UNC93A: variants seen among roughly 807,000 people sequenced by gnomAD.
UNC93A encodes N-acetylglucosamine transporter UNC93A.
A neutral mutation model predicts 47.5 loss-of-function variants in UNC93A; 43 were observed. The observed-to-expected ratio is 0.91, with a 90% CI of 0.71 to 1.17. The LOEUF is 1.17. UNC93A is among the 50% of genes most tolerant of loss of function. The pLI is 0.00. For synonymous variants in UNC93A, 280 were observed against 258.0 expected, an observed-to-expected ratio of 1.09 and a Z score of -0.82; for missense variants, 605 against 577.6, an observed-to-expected ratio of 1.05 and a Z score of -0.49.
upstream of UNC93A, among the ~76,000 whole-genome samples, chr6:167,286,547 A>T (rs7767893): frequency 6.6e-6 from 1 of 152,210 alleles, no homozygotes; most frequent in Non-Finnish European, 1.5e-5. Flanking sequence ...CTTGGGGACA[A>T]AGTTCAAATT....
chr6:167,296,406 C>A, intron 3 of UNC93A, 145 bp downstream of exon 3: 1 of 841,010 alleles, frequency 1.2e-6, no homozygotes, highest in Non-Finnish European at 1.9e-6. Flanking sequence ...AGATTCTCAA[C>A]CTGCCTGTGC....
chr6:167,284,503 A>T (rs1361633418), intron 1 of UNC93A, among the ~76,000 whole-genome samples: 2 of 152,298 alleles, frequency 1.3e-5, no homozygotes, highest in Non-Finnish European at 2.9e-5. Context: ...GGAGGACTAG[A>T]AAGCGAAGGC....
At chr6:167,287,204 T>C (rs1186636165), upstream of UNC93A, among the ~76,000 whole-genome samples, 1 of 152,020 alleles carries the variant, frequency 6.6e-6, no homozygotes, top group Non-Finnish European at 1.5e-5. Flanking sequence ...CTCGCTGCAC[T>C]CAGCTGGATC....
intron 4 of UNC93A, among the ~76,000 whole-genome samples, chr6:167,303,208 C>T (rs983813153): frequency 1.3e-5 from 2 of 152,224 alleles, no homozygotes; most frequent in Non-Finnish European, 1.5e-5. Flanking sequence ...AAAGTCCATG[C>T]CTGCTTTATT....
At chr6:167,302,581 A>G (rs1778273001) in intron 4 of UNC93A, among the ~76,000 whole-genome samples, 1 of 152,176 alleles carries the variant, frequency 6.6e-6, no homozygotes, top group Non-Finnish European at 1.5e-5. Flanking sequence ...AAAGTGAGAA[A>G]CGCCTAAATA....
At chr6:167,273,456 G>C (rs1233901093) in intron 1 of UNC93A, among the ~76,000 whole-genome samples, 1 of 152,196 alleles carries the variant, frequency 6.6e-6, no homozygotes, top group Non-Finnish European at 1.5e-5. Context: ...GGAATAGTCA[G>C]TGGGCAGCCA....
chr6:167,273,855 G>A (rs554995805), intron 1 of UNC93A, among the ~76,000 whole-genome samples: 13 of 151,968 alleles, frequency 8.6e-5, no homozygotes, highest in Non-Finnish European at 1.8e-4. Flanking sequence ...ATCTGGGTTA[G>A]GATAAGGGGT....
At chr6:167,290,963 A>G (rs1783829636), upstream of UNC93A, among the ~76,000 whole-genome samples, 1 of 152,202 alleles carries the variant, frequency 6.6e-6, no homozygotes, top group Non-Finnish European at 1.5e-5. Flanking sequence ...CTTTGGCCCC[A>G]GGATCTTACA....
intron 2 of UNC93A, among the ~76,000 whole-genome samples, chr6:167,295,447 C>CTCCTCGCCTCCCTCGTGA (rs1778040422): frequency 3.6e-5 from 4 of 109,602 alleles, no homozygotes; most frequent in African/African-American, 1.3e-4. Flanking sequence ...CTCCCTCGTG[C>CTCCTCGCCTCCCTCGTGA]TCCTCGCCTC....
upstream of UNC93A, among the ~76,000 whole-genome samples, chr6:167,287,214 C>A (rs1464754217): frequency 6.6e-6 from 1 of 152,116 alleles, no homozygotes; most frequent in African/African-American, 2.4e-5. Flanking sequence ...TCAGCTGGAT[C>A]TTTTCCACCC....
rs556501200 is a variant in UNC93A at position 167,292,097 on chromosome 6, C to T, written c.87+521C>T. On this transcript the variant is annotated intron_variant, in intron 1 of 7. Transcript: ENST00000230256. ...TCCGTGAGCCCATGAAAAAGCCAAA[C>T]GGCATTCTCCGAAAGGCTGCAGCAT... 2.6e-4 allele frequency among the ~76,000 whole-genome samples: 40 copies of T among 152,332 alleles called. No individual in the cohort carries two copies. The South Asian group carries it at 6.6e-3, about 25-fold the overall frequency.
At chr6:167,308,054 G>T in intron 7 of UNC93A, 144 bp downstream of exon 7, 2 of 1,186,960 alleles carry the variant, frequency 1.7e-6, no homozygotes, top group South Asian at 1.6e-5. Flanking sequence ...GGGCTTTGAT[G>T]TCGCCTCTGA....
chr6:167,274,725 A>T lies in UNC93A; in HGVS notation c.-52+3267A>T, dbSNP rs375303224. 3.3e-5 allele frequency among the ~76,000 whole-genome samples: 5 copies of T among 152,248 alleles called. No individual in the cohort carries two copies. In the East Asian group the frequency reaches 9.6e-4, roughly 29 times the overall value. On this transcript the variant is annotated intron_variant, in intron 1 of 3. Coordinates refer to the UNC93A transcript ENST00000503433. ...TGTTGAGCTTTGTTTCCTCATCCTTAAAAACAATACCAATGACAACAACAA... is the reference window on the plus strand; with the variant it reads ...TGTTGAGCTTTGTTTCCTCATCCTTTAAAACAATACCAATGACAACAACAA...
At chr6:167,281,093 A>C (rs1027782406) in intron 1 of UNC93A, among the ~76,000 whole-genome samples, 3 of 151,994 alleles carry the variant, frequency 2.0e-5, no homozygotes, top group African/African-American at 7.3e-5. Context: ...TAATCCCACC[A>C]AAAGGAGCCC....
intron 7 of UNC93A, among the ~76,000 whole-genome samples, chr6:167,314,125 AT>A (rs1408157412): frequency 6.6e-6 from 1 of 152,216 alleles, no homozygotes; most frequent in Non-Finnish European, 1.5e-5. Flanking sequence ...TATAAAACTC[AT>A]TAACACATTT....
At chr6:167,299,664 T>C (rs1014490945) in intron 4 of UNC93A, among the ~76,000 whole-genome samples, 1 of 152,170 alleles carries the variant, frequency 6.6e-6, no homozygotes, top group African/African-American at 2.4e-5. Flanking sequence ...TGCATCTCCC[T>C]GGAGCACGGA....
upstream of UNC93A, among the ~76,000 whole-genome samples, chr6:167,289,274 CT>C (rs1783799590): frequency 6.6e-6 from 1 of 152,168 alleles, no homozygotes; most frequent in Non-Finnish European, 1.5e-5. Context: ...GACGAGACCA[CT>C]GGGGGACCAT....
intron 4 of UNC93A, among the ~76,000 whole-genome samples, chr6:167,301,275 C>T (rs183494744): frequency 1.1e-3 from 170 of 152,368 alleles, no homozygotes; most frequent in Non-Finnish European, 1.4e-3. Context: ...CACGGAATCC[C>T]GCAGCCTAAG....
At chr6:167,307,716 C>T in intron 6 of UNC93A, 63 bp from the exon 7 acceptor site, 4 of 1,543,912 alleles carry the variant, frequency 2.6e-6, no homozygotes, top group Admixed American at 3.6e-5. Context: ...GACCCACCTC[C>T]AGGCCCCTCC....
Sources: gnomAD v4.1 joint callset for allele counts (sites outside exome capture counted in the v4.1 genomes callset) on GRCh38, gnomAD v4.1.1 for gene constraint, MANE v1.5 for transcripts, NCBI Gene and HGNC (gene_info 2026-07-23, HGNC 2026-07-21) for gene names.